MAP4K2: variants seen among roughly 807,000 people sequenced by gnomAD.
MAP4K2 encodes the protein mitogen-activated protein kinase kinase kinase kinase 2, also known as B lymphocyte serine/threonine protein kinase.
A neutral mutation model predicts 125.3 loss-of-function variants in MAP4K2; 85 were observed. The observed-to-expected ratio is 0.68, with a 90% CI of 0.57 to 0.81. The LOEUF (loss-of-function observed/expected upper bound fraction) is 0.81, where lower values mean the gene tolerates loss of function less well. MAP4K2 is among the 40% of genes least tolerant of loss of function. The pLI, the probability that MAP4K2 is intolerant of heterozygous loss-of-function variation, is 0.00. For synonymous variants in MAP4K2, 479 were observed against 445.1 expected (o/e 1.08, Z -0.96); for missense variants, 923 against 1,056.4 (o/e 0.87, Z 1.75).
Position 64,789,159 on chromosome 11 carries a change from C to T in MAP4K2, c.*378G>A, listed in dbSNP as rs956652035. 1 of 275,566 alleles carries T rather than the reference C, an allele frequency of 3.6e-6. No individual in the cohort carries two copies. The highest frequency in any genetic ancestry group is 2.2e-5 in the African/African-American group (1 of 45,328). 17.1% of individuals were successfully genotyped at this position (275,566 alleles called of 1,614,324 possible). A position where few individuals can be genotyped will look rare whatever the true frequency, so the allele number is the denominator to read the frequency against. On this transcript the variant is annotated 3_prime_UTR_variant, in exon 32 of 32. Transcript: ENST00000294066. ...GACTAAAACAAACCAGCTTTAATAC[C>T]AATATAGTTCTCTCTTAAATACCGT...
intron 24 of MAP4K2, among the ~76,000 whole-genome samples, chr11:64,793,087 G>A (rs564182065): frequency 5.9e-5 from 9 of 152,240 alleles, no homozygotes; most frequent in East Asian, 5.8e-4. Context: ...GTGGTGGCGC[G>A]TGCCTGTAAT....
At chr11:64,797,860 C>T (rs894919246) in intron 15 of MAP4K2, among the ~76,000 whole-genome samples, 196 bp from the exon 16 acceptor site, 1 of 152,018 alleles carries the variant, frequency 6.6e-6, no homozygotes, top group African/African-American at 2.4e-5. Flanking sequence ...CGCCCGCCAC[C>T]GCACCCGGCT....
In MAP4K2 at chr11:64,801,009, C is replaced by T. The variant is rs1941132693; in HGVS notation, c.553G>A (p.Val185Met). The change falls in exon 9 of 32, where the codon GTG becomes ATG. Residue 185 changes from valine to methionine, a missense_variant. Around this residue, in one of 2 missense-constraint regions of MAP4K2, gnomAD observed 833 missense variants for 911.4 expected, o/e 0.91. Coordinates refer to ENST00000294066, the MANE Select transcript of MAP4K2 (RefSeq NM_004579.5). ...TCATTGTAGCCACCTTTGCGCTCCA[C>T]AGCAGCCACCTCGGGAGCCATCCTA... ...PYWMAPEVAA[V>M]ERKGGYNELC... 1.2e-6 allele frequency: 2 copies of T among 1,613,838 alleles called. No homozygotes were observed. The highest frequency in any genetic ancestry group is 1.3e-5 in the African/African-American group (1 of 74,914).
Position 64,803,077 on chromosome 11 carries a change from C to T in MAP4K2, c.73G>A (p.Gly25Arg). The T allele has an allele frequency of 6.2e-7, 1 of 1,602,760 alleles. No homozygotes were observed. Residue 25 changes from glycine (G) to arginine (R), a missense_variant, in exon 1 of 32, where the codon GGG becomes AGG. By Grantham distance (125) the Gly-to-Arg change is moderately radical. This residue lies in a region of MAP4K2 where 833 missense variants were observed against 911.4 expected (regional missense o/e 0.91). Coordinates refer to ENST00000294066, the MANE Select transcript of MAP4K2 (RefSeq NM_004579.5). ...RFELLQRVGA[G>R]TYGDVYKARD... ...ACCTTGTAGACGTCGCCATAGGTCC[C>T]GGCCCCCACGCGCTGCAGCAGCTCG...
At chr11:64,796,231 G>A (rs1352628849) in intron 24 of MAP4K2, 42 bp downstream of exon 24, 11 of 1,492,890 alleles carry the variant, frequency 7.4e-6, no homozygotes, top group East Asian at 2.3e-5. Flanking sequence ...GCCCCTCCCT[G>A]CCCCTCTGCC....
Position 64,789,109 on chromosome 11 carries a change from C to T in MAP4K2, c.*428G>A, listed in dbSNP as rs954881514. Reference sequence around the variant, plus strand: ...GGAGGCGGGAGATGAGGTGGGTTCACTCCCCCTACCCAGAGGGACCAGAGG... The same window carrying T: ...GGAGGCGGGAGATGAGGTGGGTTCATTCCCCCTACCCAGAGGGACCAGAGG... On this transcript the variant is annotated 3_prime_UTR_variant, in exon 32 of 32. Coordinates refer to ENST00000294066, the MANE Select transcript of MAP4K2 (RefSeq NM_004579.5). 1.6e-5 allele frequency: 3 copies of T among 182,872 alleles called. No individual in the cohort carries two copies. Among genetic ancestry groups the T allele is most frequent in the African/African-American group, 7.2e-5 (3 of 41,934 alleles). 11.3% of individuals were successfully genotyped at this position (182,872 alleles called of 1,614,324 possible).
At chr11:64,798,310 C>T (rs942767074) in intron 15 of MAP4K2, among the ~76,000 whole-genome samples, 5 of 152,130 alleles carry the variant, frequency 3.3e-5, no homozygotes, top group Non-Finnish European at 7.3e-5. Flanking sequence ...GGATTACAGG[C>T]GCCTGCCACC....
chr11:64,797,604 C>T (rs1356474453), intron 16 of MAP4K2, 22 bp downstream of exon 16: 2 of 1,578,100 alleles, frequency 1.3e-6, no homozygotes, highest in Non-Finnish European at 1.7e-6. Flanking sequence ...CCTTGCCCCT[C>T]CCCCAGGCCC....
At chr11:64,803,008 C>A (rs1348677213) in intron 1 of MAP4K2, 46 bp downstream of exon 1, 4 of 1,576,418 alleles carry the variant, frequency 2.5e-6, no homozygotes, top group Non-Finnish European at 3.4e-6. Flanking sequence ...CCGCGGGGTG[C>A]GGGGCTGGCA....
intron 24 of MAP4K2, among the ~76,000 whole-genome samples, chr11:64,794,847 T>C (rs1940697210): frequency 6.6e-6 from 1 of 152,074 alleles, no homozygotes; most frequent in African/African-American, 2.4e-5. Flanking sequence ...CAGCTCTCCC[T>C]CTAACTGGAC....
At chr11:64,793,771 C>T (rs540286521) in intron 24 of MAP4K2, among the ~76,000 whole-genome samples, 2 of 152,346 alleles carry the variant, frequency 1.3e-5, no homozygotes, top group South Asian at 2.1e-4. Context: ...AACTCCAGTT[C>T]TCTGTTCTTT....
rs1343434473 is a variant in MAP4K2, at chr11:64,786,885, G to C, written c.*2652C>G. The C allele has an allele frequency of 6.7e-6, 1 of 150,356 alleles. No individual in the cohort carries two copies. The highest frequency in any genetic ancestry group is 1.9e-4 in the East Asian group (1 of 5,138). 9.3% of individuals were successfully genotyped at this position (150,356 alleles called of 1,614,324 possible). ...TTTGTTATGGGAAACATACACAATGGAATACCACTAGCTGTAAAAAAAAAA... is the reference window on the plus strand; with the variant it reads ...TTTGTTATGGGAAACATACACAATGCAATACCACTAGCTGTAAAAAAAAAA... On this transcript the variant is annotated 3_prime_UTR_variant, in exon 32 of 32. Coordinates refer to ENST00000294066, the MANE Select transcript of MAP4K2 (RefSeq NM_004579.5).
rs375269266 is a variant in MAP4K2, at chr11:64,801,091, C to T, written c.530+20G>A. On this transcript the variant is annotated intron_variant, in intron 8 of 31. Coordinates refer to ENST00000294066, the MANE Select transcript of MAP4K2 (RefSeq NM_004579.5). ...CCCTGCTCTGTGGCCCCTACCCCTC[C>T]GCCCCAGGCGCAGCCTCACCAGTAG... is the stretch of plus-strand genomic sequence containing the variant. 15 of 1,613,514 alleles carry T rather than the reference C, an allele frequency of 9.3e-6. No homozygotes were observed. The highest frequency in any genetic ancestry group is 1.3e-5 in the African/African-American group (1 of 74,924).
chr11:64,794,980 C>T lies in MAP4K2; in HGVS notation c.1751+1293G>A, dbSNP rs547361277. 1.8e-4 allele frequency among the ~76,000 whole-genome samples: 28 copies of T among 152,218 alleles called. 1 individual carries two copies. In the South Asian group the frequency reaches 5.8e-3, roughly 32 times the overall value. Reference sequence around the variant, plus strand: ...CGATCACAGTTCACTTCAACCTCAACCTCCTGGGTTCAAGCAATCCTCCCA... The same window carrying T: ...CGATCACAGTTCACTTCAACCTCAATCTCCTGGGTTCAAGCAATCCTCCCA... On this transcript the variant is annotated intron_variant, in intron 24 of 31. Transcript: ENST00000294066.
chr11:64,802,531 T>G (rs1315320721), intron 3 of MAP4K2, 32 bp downstream of exon 3: 1 of 1,580,844 alleles, frequency 6.3e-7, no homozygotes, highest in South Asian at 1.2e-5. Flanking sequence ...ACATGGGGGC[T>G]GCCTGGGGCC....
rs748382834 is a variant in MAP4K2 at position 64,791,960 on chromosome 11, G to A, written c.2041C>T (p.His681Tyr). 1 of 1,606,700 alleles carries A rather than the reference G, an allele frequency of 6.2e-7. No individual in the cohort carries two copies. Among genetic ancestry groups the A allele is most frequent in the South Asian group, 1.1e-5 (1 of 89,722 alleles). Residue 681 changes from histidine to tyrosine, a missense_variant, in exon 27 of 32, where the codon CAT (histidine) becomes TAT (tyrosine). By Grantham distance (83) the His-to-Tyr change is moderately conservative. This residue lies in a region of MAP4K2 where 833 missense variants were observed against 911.4 expected (regional missense o/e 0.91). Coordinates refer to ENST00000294066, the MANE Select transcript of MAP4K2 (RefSeq NM_004579.5). Reference sequence around the variant, plus strand: ...AGGCCAGCCTCCAGGGGCAGGACATGGAACAGGACGCGGCAGCCGGGCCCC... The same window carrying A: ...AGGCCAGCCTCCAGGGGCAGGACATAGAACAGGACGCGGCAGCCGGGCCCC... The part of the protein sequence containing the change: ...PEGPGCRVLF[H>Y]VLPLEAGLTP...
chr11:64,797,426 T>C (rs764558102), intron 17 of MAP4K2, 46 bp from the exon 18 acceptor site: 100 of 1,557,632 alleles, frequency 6.4e-5, no homozygotes, highest in Non-Finnish European at 8.3e-5. Context: ...CAGGTTGCCC[T>C]GTAACCACAT....
chr11:64,802,147 T>G, intron 4 of MAP4K2, 26 bp from the exon 5 acceptor site: 2 of 1,608,856 alleles, frequency 1.2e-6, no homozygotes, highest in Non-Finnish European at 1.7e-6. Flanking sequence ...AGAGGCTGGC[T>G]TGGGGGCCCG....
chr11:64,803,035 C>G lies in MAP4K2; in HGVS notation c.96+19G>C, dbSNP rs1414855293. 1.9e-6 allele frequency: 3 copies of G among 1,599,558 alleles called. No homozygotes were observed. The African/African-American group carries it at 4.0e-5, about 21-fold the overall frequency. Reference sequence around the variant, plus strand: ...GGGCTGGCACCCTCCTCCCGGCTCTCCCGCCCGTCCCGTCGCACCTTGTAG... The same window carrying G: ...GGGCTGGCACCCTCCTCCCGGCTCTGCCGCCCGTCCCGTCGCACCTTGTAG... On this transcript the variant is annotated intron_variant, in intron 1 of 31. Coordinates refer to ENST00000294066, the MANE Select transcript of MAP4K2 (RefSeq NM_004579.5).
Sources: gnomAD v4.1 joint callset for allele counts (sites outside exome capture counted in the v4.1 genomes callset) on GRCh38, gnomAD v4.1.1 for gene constraint, gnomAD v4.1.1 regional missense constraint, MANE v1.5 for transcripts, NCBI Gene and HGNC (gene_info 2026-07-23, HGNC 2026-07-21) for gene names.